Variants in PCDHA4 observed in about 807,000 individuals in gnomAD.
The protein encoded by PCDHA4 is protocadherin alpha-4.
Under a neutral mutation model 61.4 loss-of-function variants are expected in PCDHA4, and 49 were observed. The ratio of observed to expected loss-of-function variants is 0.80; its 90% confidence interval spans 0.63 to 1.01. The LOEUF (loss-of-function observed/expected upper bound fraction) is 1.01, where lower values mean the gene tolerates loss of function less well. Among genes scored for constraint, PCDHA4 ranks in the 50% least tolerant of loss-of-function variants. The pLI is 0.00. For missense variants in PCDHA4, 1,254 were observed against 1,235.8 expected, an observed-to-expected ratio of 1.01 and a Z score of -0.22; for synonymous variants, 590 against 550.3, an observed-to-expected ratio of 1.07 and a Z score of -1.01.
chr5:140,868,901 C>T lies in PCDHA4; in HGVS notation c.2385+59329C>T, dbSNP rs1408967625. 6 of 828,816 alleles carry T rather than the reference C, an allele frequency of 7.2e-6. No homozygotes were observed. In the African/African-American group the frequency reaches 1.0e-4, roughly 14 times the overall value. The allele number at this position is 828,816 out of a possible 1,614,324, so 51.3% of individuals were successfully genotyped here. ...TCACAGTTTTAGGCGCAAGGTGTCG[C>T]TCTTTACTTGGTGGAAAGTTCATTT... On this transcript the variant is annotated intron_variant, in intron 1 of 3. Transcript: ENST00000530339.
intron 1 of PCDHA4, among the ~76,000 whole-genome samples, chr5:140,905,770 C>T (rs1402548672): frequency 6.6e-6 from 1 of 151,878 alleles, no homozygotes; most frequent in African/African-American, 2.4e-5. Flanking sequence ...AAGTATATTC[C>T]GAAGTGTATT....
At position 140,807,608 on chromosome 5, in the gene PCDHA4, T is replaced by C. The variant is rs782498556; in HGVS notation, c.421T>C (p.Ser141Pro). The C allele has an allele frequency of 1.1e-5, 17 of 1,614,102 alleles. No individual in the cohort carries two copies. Among genetic ancestry groups the C allele is most frequent in the Non-Finnish European group, 1.4e-5 (17 of 1,180,016 alleles). ...GTTCCCAGCAACACAAAAGAACCTG[T>C]CCATCGCGGAATCCAGGCCGCTTGA... is the stretch of plus-strand genomic sequence containing the variant. Reference protein sequence around the residue: ...PVFPATQKNLSIAESRPLDSR... With the variant: ...PVFPATQKNLPIAESRPLDSR... The change falls in exon 1 of 4, where the codon TCC (serine) becomes CCC (proline). Residue 141 changes from serine (S) to proline (P), a missense_variant. Physicochemically the swap from Ser to Pro is moderately conservative, Grantham distance 74. Transcript: ENST00000530339.
chr5:140,935,835 A>G (rs1405712064), intron 1 of PCDHA4, among the ~76,000 whole-genome samples: 3 of 151,830 alleles, frequency 2.0e-5, no homozygotes, highest in Admixed American at 6.6e-5. Flanking sequence ...CACATATTCC[A>G]TACTGCTTAA....
intron 1 of PCDHA4, chr5:140,834,789 A>T: frequency 6.2e-7 from 1 of 1,613,702 alleles, no homozygotes; most frequent in Non-Finnish European, 8.5e-7. Flanking sequence ...GTTCCCAGCG[A>T]CACAAAGGAA....
At chr5:140,875,934 A>T (rs782270710) in intron 1 of PCDHA4, 1 of 1,614,178 alleles carries the variant, frequency 6.2e-7, no homozygotes, top group Admixed American at 1.7e-5. Context: ...ATTTTCCTCT[A>T]GAGGGCGCTT....
At chr5:140,850,169 G>A in intron 1 of PCDHA4, 2 of 1,594,742 alleles carry the variant, frequency 1.3e-6, no homozygotes, top group Non-Finnish European at 1.7e-6. Flanking sequence ...TGCTGGACGA[G>A]AACGACAATG....
rs2150473492 is a variant in PCDHA4 at position 140,850,211 on chromosome 5, C to T, written c.2385+40639C>T. 11 of 1,593,428 alleles carry T rather than the reference C, an allele frequency of 6.9e-6. 1 individual carries two copies. Among genetic ancestry groups the T allele is most frequent in the Non-Finnish European group, 9.4e-6 (11 of 1,167,634 alleles). ...CGCTGCTGACACCTCGGATGAGGGG[C>T]ACTGACGGCGCAGTGAGCGAGATGG... On this transcript the variant is annotated intron_variant, in intron 1 of 3. Coordinates refer to ENST00000530339, the MANE Select transcript of PCDHA4 (RefSeq NM_018907.4).
intron 1 of PCDHA4, among the ~76,000 whole-genome samples, chr5:140,936,450 T>C (rs1217629620): frequency 6.6e-6 from 1 of 152,234 alleles, no homozygotes; most frequent in Non-Finnish European, 1.5e-5. Context: ...TAACCACATC[T>C]GTTTAGTGGT....
At chr5:140,862,667 AG>A in intron 1 of PCDHA4, 1 of 548,534 alleles carries the variant, frequency 1.8e-6, no homozygotes, top group Admixed American at 1.9e-5. Context: ...CGGGACGCGC[AG>A]GAGAACGTGC....
intron 1 of PCDHA4, among the ~76,000 whole-genome samples, chr5:140,899,342 C>T (rs1317774028): frequency 6.6e-6 from 1 of 152,044 alleles, no homozygotes; most frequent in African/African-American, 2.4e-5. Context: ...ATAGATAGCT[C>T]TTATTATTTT....
chr5:140,849,565 T>C (rs2040964471), intron 1 of PCDHA4: 4 of 1,598,566 alleles, frequency 2.5e-6, no homozygotes, highest in South Asian at 2.2e-5. Context: ...ACGCTCTCGG[T>C]TCCTGTAAAA....
intron 1 of PCDHA4, chr5:140,860,573 A>G (rs1299479847): frequency 6.6e-6 from 1 of 152,226 alleles, no homozygotes; most frequent in Non-Finnish European, 1.5e-5. Context: ...ATCATACACA[A>G]GAAGGTATAG....
At chr5:140,985,377 A>G (rs782189204) in intron 3 of PCDHA4, among the ~76,000 whole-genome samples, 10 of 152,188 alleles carry the variant, frequency 6.6e-5, no homozygotes, top group Non-Finnish European at 5.9e-5. Context: ...CTGGGTCTAT[A>G]TAATCCAGTC....
At chr5:140,934,684 A>G (rs1026507859) in intron 1 of PCDHA4, among the ~76,000 whole-genome samples, 1 of 152,178 alleles carries the variant, frequency 6.6e-6, no homozygotes, top group African/African-American at 2.4e-5. Context: ...TATTCAAAAC[A>G]ATGAATTGAT....
At position 140,829,788 on chromosome 5, in the gene PCDHA4, T is replaced by G. The variant is rs2150174701; in HGVS notation, c.2385+20216T>G. 2.5e-6 allele frequency: 4 copies of G among 1,613,684 alleles called. No individual in the cohort carries two copies. The African/African-American group carries it at 5.3e-5, about 22-fold the overall frequency. On this transcript the variant is annotated intron_variant, in intron 1 of 3. Coordinates refer to ENST00000530339, the MANE Select transcript of PCDHA4 (RefSeq NM_018907.4). Reference sequence around the variant, plus strand: ...GAGAACGACAACGCGCCGGCGCTGCTGGCGCCTCGGGTGGGTGGTACTGGT... The same window carrying G: ...GAGAACGACAACGCGCCGGCGCTGCGGGCGCCTCGGGTGGGTGGTACTGGT...
intron 1 of PCDHA4, chr5:140,829,458 C>T (rs2150168320): frequency 1.2e-6 from 2 of 1,613,890 alleles, no homozygotes; most frequent in Admixed American, 3.3e-5. Flanking sequence ...CCGGCGTTCG[C>T]GCAGCCCGAG....
At chr5:140,976,566 A>C (rs2096723160) in intron 1 of PCDHA4, among the ~76,000 whole-genome samples, 2 of 152,098 alleles carry the variant, frequency 1.3e-5, no homozygotes, top group African/African-American at 4.8e-5. Flanking sequence ...TAAATAAATA[A>C]ATATAAATAA....
In PCDHA4 at chr5:140,829,580, C is replaced by T. The variant is rs1481552888; in HGVS notation, c.2385+20008C>T. ...GCTGGTGTCCTACTCGCTGGTGGAG[C>T]GGCGGGTGGGCGAGCGCGCGTTGTC... On this transcript the variant is annotated intron_variant, in intron 1 of 3. Coordinates refer to ENST00000530339, the MANE Select transcript of PCDHA4 (RefSeq NM_018907.4). 4 of 1,612,184 alleles carry T rather than the reference C, an allele frequency of 2.5e-6. No homozygotes were observed. In the African/African-American group the frequency reaches 4.0e-5, roughly 16 times the overall value.
intron 2 of PCDHA4, among the ~76,000 whole-genome samples, chr5:140,981,337 G>A (rs2096927522): frequency 6.6e-6 from 1 of 152,146 alleles, no homozygotes; most frequent in African/African-American, 2.4e-5. Context: ...ACTTTGGGAG[G>A]GTGAGGCAGG....
Sources: gnomAD v4.1 joint callset for allele counts (sites outside exome capture counted in the v4.1 genomes callset) on GRCh38, gnomAD v4.1.1 for gene constraint, MANE v1.5 for transcripts, NCBI Gene and HGNC (gene_info 2026-07-23, HGNC 2026-07-21) for gene names.